Variants in DYSF observed in about 807,000 individuals in gnomAD.
The protein encoded by DYSF is dystrophy-associated fer-1-like 1.
In DYSF, 212 loss-of-function variants were observed where a neutral mutation model predicts 274.9. The observed-to-expected ratio is 0.77, with a 90% CI of 0.69 to 0.86. DYSF has a LOEUF of 0.86. Among genes scored for constraint, DYSF ranks in the 40% least tolerant of loss-of-function variants. The pLI is 0.00. For synonymous variants in DYSF, 1,091 were observed against 1,078.7 expected (o/e 1.01, Z -0.22); for missense variants, 2,666 against 2,783.2 (o/e 0.96, Z 0.95).
At chr2:71,659,090 C>A (rs759914964) in intron 44 of DYSF, 57 bp downstream of exon 44, 1 of 1,610,690 alleles carries the variant, frequency 6.2e-7, no homozygotes, top group Non-Finnish European at 8.5e-7. Flanking sequence ...TACAAGTGGC[C>A]TATAGAACCT....
intron 41 of DYSF, among the ~76,000 whole-genome samples, chr2:71,643,141 C>A (rs536359019): frequency 6.6e-6 from 1 of 152,000 alleles, no homozygotes; most frequent in Non-Finnish European, 1.5e-5. Context: ...CCCCACCTGC[C>A]GAGACAGGAC....
chr2:71,494,898 C>T (rs949434378), intron 3 of DYSF, among the ~76,000 whole-genome samples: 73 of 152,190 alleles, frequency 4.8e-4, no homozygotes, highest in Non-Finnish European at 8.8e-5. Flanking sequence ...TATTTCTCTA[C>T]CCTCAGGAAT....
chr2:71,667,091 A>T (rs1249769224), intron 47 of DYSF, among the ~76,000 whole-genome samples: 1 of 152,122 alleles, frequency 6.6e-6, no homozygotes, highest in Non-Finnish European at 1.5e-5. Context: ...AGACAGGAGG[A>T]TTTGTATGGT....
chr2:71,618,616 AGAGGTGGTGTGTGTGTTACAG>A (rs1162233657), intron 40 of DYSF, among the ~76,000 whole-genome samples: 2 of 28,858 alleles, frequency 6.9e-5, no homozygotes, highest in East Asian at 1.5e-3. Context: ...TGGGTGTGGT[AGAGGTGGTGTGTGTGTTACAG>A]GAGGTGGTGT....
intron 3 of DYSF, among the ~76,000 whole-genome samples, chr2:71,495,076 C>T (rs2084241344): frequency 6.6e-6 from 1 of 152,162 alleles, no homozygotes; most frequent in Non-Finnish European, 1.5e-5. Context: ...ATCTAGGTTC[C>T]AGGCACATGT....
chr2:71,677,153 G>C (rs2095235930), intron 52 of DYSF, among the ~76,000 whole-genome samples: 1 of 152,152 alleles, frequency 6.6e-6, no homozygotes, highest in Non-Finnish European at 1.5e-5. Context: ...ACAAATGGTA[G>C]CTATAGAGGA....
rs2083378513 is a variant in DYSF at position 71,486,502 on chromosome 2, G to A, written c.239+4532G>A. ...TGTCCTCTCTTTCCTATGGCTCCTG[G>A]GGCATTTGGCATTTCTGGGTTTTCC... On this transcript the variant is annotated intron_variant, in intron 3 of 55. Coordinates refer to ENST00000410020, the MANE Select transcript of DYSF (RefSeq NM_001130987.2). Among the ~76,000 whole-genome samples, 2 of 152,012 alleles carry A rather than the reference G, an allele frequency of 1.3e-5. 1 individual carries two copies. Among genetic ancestry groups the A allele is most frequent in the South Asian group, 4.2e-4 (2 of 4,818 alleles).
At chr2:71,661,259 T>G (rs1364154132) in intron 45 of DYSF, among the ~76,000 whole-genome samples, 1 of 151,978 alleles carries the variant, frequency 6.6e-6, no homozygotes, top group Non-Finnish European at 1.5e-5. Flanking sequence ...ACAGAGACAG[T>G]GCATAATTTC....
chr2:71,664,061 C>A (rs919481606), intron 45 of DYSF, among the ~76,000 whole-genome samples: 1 of 152,216 alleles, frequency 6.6e-6, no homozygotes, highest in Non-Finnish European at 1.5e-5. Context: ...ATGCCCAGCA[C>A]AGTTTATTTG....
intron 1 of DYSF, among the ~76,000 whole-genome samples, chr2:71,461,200 G>A (rs1343809761): frequency 6.6e-6 from 1 of 152,098 alleles, no homozygotes; most frequent in Non-Finnish European, 1.5e-5. Flanking sequence ...GACACGAAAC[G>A]GGTGATTACG....
intron 40 of DYSF, among the ~76,000 whole-genome samples, chr2:71,618,780 TG>T (rs999262882): frequency 1.3e-5 from 2 of 151,450 alleles, no homozygotes; most frequent in Non-Finnish European, 2.9e-5. Context: ...GTGTGTTTTT[TG>T]TGTGTGTGGT....
At chr2:71,507,350 C>T (rs747517284) in intron 4 of DYSF, among the ~76,000 whole-genome samples, 2 of 152,240 alleles carry the variant, frequency 1.3e-5, no homozygotes, top group Non-Finnish European at 2.9e-5. Flanking sequence ...TCAATGGGGT[C>T]CACTCAGACC....
At chr2:71,573,226 C>T (rs946091867) in intron 29 of DYSF, among the ~76,000 whole-genome samples, 3 of 152,208 alleles carry the variant, frequency 2.0e-5, no homozygotes, top group African/African-American at 7.2e-5. Flanking sequence ...TTTTGGACAA[C>T]CAGCTGTTCC....
chr2:71,547,113 C>CACAAGTTT (rs1406244701), intron 17 of DYSF, among the ~76,000 whole-genome samples: 25 of 152,350 alleles, frequency 1.6e-4, no homozygotes, highest in African/African-American at 5.8e-4. Flanking sequence ...TTTGGCAGAA[C>CACAAGTTT]GGTGATGTGG....
intron 33 of DYSF, among the ~76,000 whole-genome samples, chr2:71,599,840 C>T (rs992170941): frequency 6.6e-6 from 1 of 152,222 alleles, no homozygotes; most frequent in African/African-American, 2.4e-5. Flanking sequence ...CTATATGCCT[C>T]ACCAGATGGC....
upstream of DYSF, among the ~76,000 whole-genome samples, chr2:71,464,259 T>C (rs928333262): frequency 9.2e-5 from 14 of 152,234 alleles, no homozygotes; most frequent in African/African-American, 3.1e-4. Flanking sequence ...ATGGAGACCA[T>C]GCTTTGCACC....
intron 42 of DYSF, 146 bp downstream of exon 42, chr2:71,644,209 C>A: frequency 1.2e-6 from 1 of 800,430 alleles, no homozygotes; most frequent in Non-Finnish European, 2.1e-6. Flanking sequence ...GCTAGACCAG[C>A]TGGGTGAGAA....
intron 40 of DYSF, 46 bp from the exon 41 acceptor site, chr2:71,620,501 A>T: frequency 6.5e-7 from 1 of 1,549,564 alleles, no homozygotes; most frequent in Non-Finnish European, 8.7e-7. Flanking sequence ...CCTTCCCTAA[A>T]GTGGGTTCTC....
intron 53 of DYSF, among the ~76,000 whole-genome samples, chr2:71,680,216 G>C (rs1440330436): frequency 6.6e-6 from 1 of 152,114 alleles, no homozygotes; most frequent in Non-Finnish European, 1.5e-5. Context: ...TGAAACCCTA[G>C]AAATCAAACC....
Sources: gnomAD v4.1 joint callset for allele counts (sites outside exome capture counted in the v4.1 genomes callset) on GRCh38, gnomAD v4.1.1 for gene constraint, MANE v1.5 for transcripts, NCBI Gene and HGNC (gene_info 2026-07-23, HGNC 2026-07-21) for gene names.